The following CCDC171 variants were observed in gnomAD, a reference collection of about 807,000 sequenced individuals.
The protein encoded by CCDC171 is coiled-coil domain containing 171.
Under a neutral mutation model 168.2 loss-of-function variants are expected in CCDC171, and 177 were observed. The observed-to-expected ratio is 1.05, with a 90% CI of 0.93 to 1.19. The LOEUF (loss-of-function observed/expected upper bound fraction) is 1.19. Ranked by LOEUF, CCDC171 falls within the 50% of genes most tolerant of loss-of-function variation. The probability of loss-of-function intolerance (pLI) is 0.00; values close to 1 mark genes in which losing one functional copy is unlikely to be tolerated. For missense variants in CCDC171, 1,991 were observed against 1,539.0 expected, an observed-to-expected ratio of 1.29 and a Z score of -4.91; for synonymous variants, 687 against 540.8, an observed-to-expected ratio of 1.27 and a Z score of -3.75.
Position 15,744,454 on chromosome 9 carries a change from G to T in CCDC171, c.2231G>T (p.Arg744Leu). The T allele has an allele frequency of 1.2e-6, 2 of 1,614,084 alleles. No individual in the cohort carries two copies. The highest frequency in any genetic ancestry group is 1.1e-5 in the South Asian group (1 of 91,052). Residue 744 changes from arginine to leucine, a missense_variant, in exon 17 of 26, where the codon CGA (arginine) becomes CTA (leucine). Physicochemically the swap from Arg to Leu is moderately radical, Grantham distance 102. Coordinates refer to ENST00000380701, the MANE Select transcript of CCDC171 (RefSeq NM_173550.4). ...GGTGCCTTATATCCCCTCTATAGCC[G>T]ATCATGCGCCTTGTCTACACAGAGA... Reference protein sequence around the residue: ...MAGALYPLYSRSCALSTQRDF... With the variant: ...MAGALYPLYSLSCALSTQRDF...
intron 21 of CCDC171, among the ~76,000 whole-genome samples, chr9:15,823,973 C>G (rs961653300): frequency 6.6e-6 from 1 of 151,874 alleles, no homozygotes; most frequent in Non-Finnish European, 1.5e-5. Context: ...CATATGTTGC[C>G]CACTTGAAGA....
At chr9:16,015,394 C>T (rs1049519377) in intron 3 of CCDC171, among the ~76,000 whole-genome samples, 1 of 152,066 alleles carries the variant, frequency 6.6e-6, no homozygotes, top group East Asian at 1.9e-4. Flanking sequence ...CTGGTTTAGT[C>T]TTCTATGCAG....
intron 7 of CCDC171, among the ~76,000 whole-genome samples, chr9:15,634,582 C>G (rs1439366054): frequency 6.6e-6 from 1 of 152,088 alleles, no homozygotes; most frequent in Non-Finnish European, 1.5e-5. Context: ...TGTTTGGCTA[C>G]TTGGGGTAAG....
chr9:15,874,656 C>T lies in CCDC171; in HGVS notation c.3593C>T (p.Ala1198Val). ...EGLKGGPEVVACQAMIKSFMD... is the reference protein window; with the variant it reads ...EGLKGGPEVVVCQAMIKSFMD... ...CTCAAGGGCGGGCCAGAGGTGGTAG[C>T]ATGCCAGGTTAGAGTCTAAATAACA... is the stretch of plus-strand genomic sequence containing the variant. The change falls in exon 24 of 26, where the codon GCA becomes GTA. Residue 1198 changes from alanine to valine, a missense_variant. By Grantham distance (64) the Ala-to-Val change is moderately conservative. Coordinates refer to ENST00000380701, the MANE Select transcript of CCDC171 (RefSeq NM_173550.4). The T allele has an allele frequency of 6.3e-7, 1 of 1,577,508 alleles. No individual in the cohort carries two copies. The highest frequency in any genetic ancestry group is 8.6e-7 in the Non-Finnish European group (1 of 1,161,758).
At chr9:15,871,890 A>G (rs1039195364) in intron 23 of CCDC171, among the ~76,000 whole-genome samples, 1 of 151,978 alleles carries the variant, frequency 6.6e-6, no homozygotes, top group Non-Finnish European at 1.5e-5. Flanking sequence ...TTCTTTCAAC[A>G]TGATGCTTTC....
rs553006527 is a variant in CCDC171, at chr9:15,820,801, A to G, written c.3268-25901A>G. Among the ~76,000 whole-genome samples the G allele has an allele frequency of 1.1e-3, 132 of 116,504 alleles. 32 individuals carry two copies. Among genetic ancestry groups the G allele is most frequent in the African/African-American group, 4.0e-3 (125 of 31,186 alleles). 76.4% of individuals were successfully genotyped at this position (116,504 alleles called of 152,430 possible). ...ATTCCTTCTGAAACTATTACAATTA[A>G]TGGAAAAAGAGGGAATCCTCCCTAA... On this transcript the variant is annotated intron_variant, in intron 21 of 25. Transcript: ENST00000380701.
At chr9:15,604,644 G>A (rs2043091439) in intron 6 of CCDC171, among the ~76,000 whole-genome samples, 1 of 152,114 alleles carries the variant, frequency 6.6e-6, no homozygotes, top group Admixed American at 6.5e-5. Flanking sequence ...GAAAGAGGAG[G>A]AAGAGTAGGG....
intron 18 of CCDC171, among the ~76,000 whole-genome samples, chr9:15,748,561 G>T (rs372907549): frequency 6.6e-6 from 1 of 152,210 alleles, no homozygotes; most frequent in East Asian, 1.9e-4. Flanking sequence ...AAATGTTAAG[G>T]ACAGCCAGAG....
chr9:15,594,208 T>C, intron 6 of CCDC171, 36 bp downstream of exon 6: 1 of 1,099,060 alleles, frequency 9.1e-7, no homozygotes, highest in Non-Finnish European at 1.3e-6. Context: ...AAATATATAT[T>C]TTTAATGCTT....
At chr9:15,720,405 C>G (rs1160987704) in intron 11 of CCDC171, among the ~76,000 whole-genome samples, 1 of 152,020 alleles carries the variant, frequency 6.6e-6, no homozygotes, top group Non-Finnish European at 1.5e-5. Flanking sequence ...GAGGCTATAC[C>G]TTTCTTGTTT....
intron 21 of CCDC171, among the ~76,000 whole-genome samples, chr9:15,845,230 A>G (rs1347795306): frequency 6.6e-6 from 1 of 152,076 alleles, no homozygotes; most frequent in Admixed American, 6.6e-5. Flanking sequence ...TGGTTTTAAA[A>G]ATTTATTCTT....
chr9:15,682,737 T>G (rs142474988), intron 10 of CCDC171, among the ~76,000 whole-genome samples: 4 of 152,098 alleles, frequency 2.6e-5, no homozygotes, highest in African/African-American at 9.6e-5. Flanking sequence ...CTTAACAAAT[T>G]TATTTTCATG....
chr9:15,849,403 C>G (rs1234268474), intron 23 of CCDC171, among the ~76,000 whole-genome samples: 1 of 150,176 alleles, frequency 6.7e-6, no homozygotes, highest in Non-Finnish European at 1.5e-5. Flanking sequence ...TTGAAATTTT[C>G]TTTCTTGTAA....
chr9:15,706,289 T>C (rs1044835481), intron 11 of CCDC171, among the ~76,000 whole-genome samples: 3 of 151,674 alleles, frequency 2.0e-5, no homozygotes, highest in African/African-American at 7.3e-5. Flanking sequence ...TCCTTTCTTT[T>C]TCTGCATCTT....
chr9:16,067,984 A>G, the CCDC171 span, among the ~76,000 whole-genome samples: 144,960 of 151,674 alleles, frequency 0.96, 69,385 homozygotes, highest in African/African-American at 0.99. Context: ...AGGAAATAAA[A>G]GGTATTCAAT....
rs534468383 is a variant in CCDC171, at chr9:15,873,458, C to T, written c.3469-1074C>T. On this transcript the variant is annotated intron_variant, in intron 23 of 25. Transcript: ENST00000380701. ...TTAACCTTGTTTTTGACCTTCGCTA[C>T]CTGATAAAAAACTTTTTGTTCTGTG... 2.0e-5 allele frequency among the ~76,000 whole-genome samples: 3 copies of T among 152,050 alleles called. No homozygotes were observed. The South Asian group carries it at 6.2e-4, about 31-fold the overall frequency.
At chr9:16,016,570 G>A (rs1024345321) in intron 3 of CCDC171, among the ~76,000 whole-genome samples, 1 of 152,098 alleles carries the variant, frequency 6.6e-6, no homozygotes, top group Non-Finnish European at 1.5e-5. Context: ...GATGAGGTCG[G>A]TGAGCCACTT....
chr9:15,926,944 G>C (rs899858000), intron 25 of CCDC171, among the ~76,000 whole-genome samples: 6 of 151,484 alleles, frequency 4.0e-5, no homozygotes, highest in Non-Finnish European at 1.5e-5. Context: ...ACCATTACTT[G>C]TTGTTGTTAT....
At chr9:15,853,751 C>G (rs909444824) in intron 23 of CCDC171, among the ~76,000 whole-genome samples, 1 of 151,498 alleles carries the variant, frequency 6.6e-6, no homozygotes, top group African/African-American at 2.4e-5. Flanking sequence ...TCCTCTTTAT[C>G]AGTTTGAGAA....
Sources: allele counts gnomAD v4.1 joint callset (sites outside exome capture counted in the v4.1 genomes callset), GRCh38; gene constraint gnomAD v4.1.1; transcripts MANE v1.5; gene names NCBI Gene and HGNC (gene_info 2026-07-23, HGNC 2026-07-21).